The following ITGAM variants were observed in gnomAD, a reference collection of about 807,000 sequenced individuals.
The protein encoded by ITGAM is integrin alpha-M.
ITGAM carries 79 observed loss-of-function variants against 137.5 expected under a neutral mutation model. That is an observed-to-expected ratio of 0.57 (90% CI 0.48 to 0.69). The LOEUF is 0.69. Ranked by LOEUF, ITGAM falls within the 30% of genes least tolerant of loss-of-function variation. The pLI is 0.00. For synonymous variants in ITGAM, 583 were observed against 592.3 expected (o/e 0.98, Z 0.23); for missense variants, 1,343 against 1,483.5 (o/e 0.91, Z 1.56).
At chr16:31,269,142 G>A (rs2079801936) in intron 5 of ITGAM, among the ~76,000 whole-genome samples, 1 of 152,132 alleles carries the variant, frequency 6.6e-6, no homozygotes, top group African/African-American at 2.4e-5. Flanking sequence ...GGGAGTCGGA[G>A]CTGTCTTCTT....
Position 31,325,301 on chromosome 16 carries a change from A to G in ITGAM, c.2402A>G (p.Asn801Ser). The change falls in exon 20 of 30, where the codon AAC becomes AGC. Residue 801 changes from asparagine to serine, a missense_variant. Coordinates refer to ENST00000544665, the MANE Select transcript of ITGAM (RefSeq NM_000632.4). ...GTGGTGGGTGGGCCCCGGGAGTTCA[A>G]CGTGACAGTGACTGTGAGAAATGAT... ...CLVVGGPREF[N>S]VTVTVRNDGE... 2 of 1,613,840 alleles carry G rather than the reference A, an allele frequency of 1.2e-6. No homozygotes were observed. Among genetic ancestry groups the G allele is most frequent in the Non-Finnish European group, 1.7e-6 (2 of 1,179,810 alleles).
In ITGAM at chr16:31,324,582, G is replaced by A. The variant is rs1337325508; in HGVS notation, c.2157+29G>A. 7 of 1,610,320 alleles carry A rather than the reference G, an allele frequency of 4.3e-6. No individual in the cohort carries two copies. The highest frequency in any genetic ancestry group is 1.3e-5 in the African/African-American group (1 of 74,874). On this transcript the variant is annotated intron_variant, in intron 17 of 29. Transcript: ENST00000544665. This position sits in a 1 kb window ranked among gnomAD's most constrained non-coding sequence, Gnocchi z 4.5. ...AGCAGGCTAGTGGCCAGACCCCTGG[G>A]TCTTCCAAGCATGGAGTGGGCTTGG...
intron 12 of ITGAM, among the ~76,000 whole-genome samples, chr16:31,285,054 C>T (rs2080013922): frequency 1.3e-5 from 2 of 152,074 alleles, no homozygotes; most frequent in African/African-American, 2.4e-5. Flanking sequence ...CAATTCCTGT[C>T]CTTTTAAGGG....
At position 31,332,246 on chromosome 16, in the gene ITGAM, C is replaced by T. The variant is rs11551920; in HGVS notation, c.*539C>T. 1 of 152,572 alleles carries T rather than the reference C, an allele frequency of 6.6e-6. No individual in the cohort carries two copies. Among genetic ancestry groups the T allele is most frequent in the African/African-American group, 2.4e-5 (1 of 41,448 alleles). The allele number at this position is 152,572 out of a possible 1,614,324, so 9.5% of individuals were successfully genotyped here. On this transcript the variant is annotated 3_prime_UTR_variant, in exon 30 of 30. Transcript: ENST00000544665. Reference sequence around the variant, plus strand: ...CTTCTCTCCACTGAAAGAAGTGGGACTTCCCGTCGCCTGCGAGCCTGCGGC... The same window carrying T: ...CTTCTCTCCACTGAAAGAAGTGGGATTTCCCGTCGCCTGCGAGCCTGCGGC...
Position 31,270,103 on chromosome 16 carries a change from A to ATCCTTCCT in ITGAM, c.428-830_428-823dup, listed in dbSNP as rs371263313. Among the ~76,000 whole-genome samples, 1,171 of 140,030 alleles carry ATCCTTCCT rather than the reference A, an allele frequency of 8.4e-3. 37 individuals carry two copies. Among genetic ancestry groups the ATCCTTCCT allele is most frequent in the African/African-American group, 0.029 (1,018 of 35,612 alleles). The allele number at this position is 140,030 out of a possible 152,430, so 91.9% of individuals were successfully genotyped here. A position where few individuals can be genotyped will look rare whatever the true frequency, so the allele number is the denominator to read the frequency against. On this transcript the variant is annotated intron_variant, in intron 5 of 29. Transcript: ENST00000544665. ...TCTACTCCTTTTGTATATCTGGCAAATCCTTCCTTCCTTCCTTCCTTCCTT... is the reference window on the plus strand; with the variant it reads ...TCTACTCCTTTTGTATATCTGGCAAATCCTTCCTTCCTTCCTTCCTTCCTTCCTTCCTT...
rs532480212 is a variant in ITGAM at position 31,278,941 on chromosome 16, A to G, written c.1356+832A>G. On this transcript the variant is annotated intron_variant, in intron 12 of 29. Transcript: ENST00000544665. ...TGTGATGTTCCCTACCTGGTGTCCA[A>G]GTGTTCTCATTGTTCAATTCCCACC... is the stretch of plus-strand genomic sequence containing the variant. Among the ~76,000 whole-genome samples, 154 of 152,156 alleles carry G rather than the reference A, an allele frequency of 1.0e-3. 4 individuals carry two copies. Among genetic ancestry groups the G allele is most frequent in the Non-Finnish European group, 1.0e-4 (7 of 68,002 alleles).
intron 16 of ITGAM, among the ~76,000 whole-genome samples, chr16:31,322,193 T>G (rs1373921558): frequency 1.3e-5 from 2 of 152,112 alleles, no homozygotes; most frequent in Non-Finnish European, 2.9e-5. Context: ...GGCATGTTCT[T>G]GTAGTCTCAG....
chr16:31,321,632 G>A lies in ITGAM; in HGVS notation c.2002+5G>A. On this transcript the variant is annotated splice_donor_5th_base_variant and intron_variant, in intron 16 of 29. Coordinates refer to ENST00000544665, the MANE Select transcript of ITGAM (RefSeq NM_000632.4). The stretch of plus-strand genomic sequence containing the variant: ...CACGGGATCGGCTAAGAGAAGGTGA[G>A]GCTTGGTGGATGAGTCTCAAGAGGT... The A allele has an allele frequency of 1.2e-6, 2 of 1,613,052 alleles. No individual in the cohort carries two copies. Among genetic ancestry groups the A allele is most frequent in the Non-Finnish European group, 1.7e-6 (2 of 1,179,480 alleles).
At chr16:31,276,002 G>A (rs2079902450) in intron 9 of ITGAM, among the ~76,000 whole-genome samples, 1 of 152,166 alleles carries the variant, frequency 6.6e-6, no homozygotes, top group Non-Finnish European at 1.5e-5. Context: ...CGTCTGTTCG[G>A]TTCTCTGTTG....
rs1171870635 is a variant in ITGAM at position 31,262,333 on chromosome 16, TTCCA to T, written c.134+540_134+543del. On this transcript the variant is annotated intron_variant, in intron 2 of 29. Transcript: ENST00000544665. ...TCCCTCCTTCCCTCCCTTCCCTCCC[TTCCA>T]TCCTTCCTTCCTTCCTTCCTTCCTT... 6.1e-3 allele frequency among the ~76,000 whole-genome samples: 464 copies of T among 76,272 alleles called. 15 individuals carry two copies. The highest frequency in any genetic ancestry group is 0.024 in the African/African-American group (371 of 15,386). The allele number at this position is 76,272 out of a possible 152,430, so 50.0% of individuals were successfully genotyped here.
intron 24 of ITGAM, among the ~76,000 whole-genome samples, chr16:31,329,528 G>A (rs1057301681): frequency 1.3e-5 from 2 of 152,178 alleles, no homozygotes; most frequent in African/African-American, 4.8e-5. Context: ...GTGGGGCACT[G>A]TCATGATCCC....
intron 23 of ITGAM, 154 bp from the exon 24 acceptor site, chr16:31,329,073 TC>T: frequency 2.3e-6 from 1 of 426,234 alleles, no homozygotes; most frequent in Non-Finnish European, 4.5e-6. Context: ...ACACATTGGT[TC>T]CCCCATCCCC....
At chr16:31,266,568 A>G (rs553995959) in intron 5 of ITGAM, among the ~76,000 whole-genome samples, 1 of 151,974 alleles carries the variant, frequency 6.6e-6, no homozygotes, top group Admixed American at 6.6e-5. Flanking sequence ...CAAAAAAAAA[A>G]AAAAATTAGC....
At chr16:31,328,766 G>T (rs546280781) in intron 23 of ITGAM, among the ~76,000 whole-genome samples, 1 of 140,940 alleles carries the variant, frequency 7.1e-6, no homozygotes, top group Admixed American at 7.0e-5. Context: ...ATGTGCATGC[G>T]TGTGCGCATG....
intron 7 of ITGAM, 113 bp from the exon 8 acceptor site, chr16:31,273,252 T>A (rs1005916645): frequency 2.2e-6 from 2 of 892,660 alleles, no homozygotes; most frequent in African/African-American, 3.3e-5. Context: ...GCTATGATTG[T>A]GTCTCTGCAC....
chr16:31,306,238 G>T (rs1360171914), intron 14 of ITGAM, among the ~76,000 whole-genome samples: 1 of 151,970 alleles, frequency 6.6e-6, no homozygotes, highest in African/African-American at 2.4e-5. Flanking sequence ...GTCCTAATGA[G>T]GAATTTTTTT....
At chr16:31,308,355 G>A (rs377281237) in intron 14 of ITGAM, among the ~76,000 whole-genome samples, 6 of 152,040 alleles carry the variant, frequency 3.9e-5, no homozygotes, top group Non-Finnish European at 8.8e-5. Context: ...CAGAGATTCA[G>A]CTTCTTCCTG....
rs548752484 is a variant in ITGAM, at chr16:31,271,078, A to C, written c.552A>C (p.Lys184Asn). 1.3e-6 allele frequency: 2 copies of C among 1,565,804 alleles called. No homozygotes were observed. Among genetic ancestry groups the C allele is most frequent in the East Asian group, 4.7e-5 (2 of 42,572 alleles). Reference protein sequence around the residue: ...STVMEQLKKSKTLFSLMQYSE... With the variant: ...STVMEQLKKSNTLFSLMQYSE... ...TGATGGAGCAATTAAAAAAGTCCAA[A>C]ACCTTGGTGAGGGCCCAGGGGTAGG... Residue 184 changes from lysine (K) to asparagine (N), a missense_variant, in exon 6 of 30, where the codon AAA (lysine) becomes AAC (asparagine). Coordinates refer to ENST00000544665, the MANE Select transcript of ITGAM (RefSeq NM_000632.4).
Position 31,278,012 on chromosome 16 carries a change from T to C in ITGAM, c.1259T>C (p.Val420Ala). 1 of 1,605,320 alleles carries C rather than the reference T, an allele frequency of 6.2e-7. No homozygotes were observed. The highest frequency in any genetic ancestry group is 1.1e-5 in the South Asian group (1 of 89,226). Residue 420 changes from valine to alanine, a missense_variant, in exon 12 of 30, where the codon GTT (valine) becomes GCT (alanine). Val to Ala is a moderately conservative substitution (Grantham distance 64, BLOSUM62 0). Coordinates refer to ENST00000544665, the MANE Select transcript of ITGAM (RefSeq NM_000632.4). ...TTACGGAACCGGGTGCAAAGCCTGG[T>C]TCTGGGGGCACCTCGATATCAGCAC... Reference protein sequence around the residue: ...IILRNRVQSLVLGAPRYQHIG... With the variant: ...IILRNRVQSLALGAPRYQHIG...
Sources: gnomAD v4.1 joint callset for allele counts (sites outside exome capture counted in the v4.1 genomes callset) on GRCh38, gnomAD v4.1.1 for gene constraint, Gnocchi (gnomAD v3.1) non-coding constraint, MANE v1.5 for transcripts, NCBI Gene and HGNC (gene_info 2026-07-23, HGNC 2026-07-21) for gene names.